The following ARMC2 variants were observed in gnomAD, a reference collection of about 807,000 sequenced individuals.
ARMC2 encodes armadillo repeat-containing protein 2.
Under a neutral mutation model 90.3 loss-of-function variants are expected in ARMC2, and 67 were observed. That is an observed-to-expected ratio of 0.74 (90% CI 0.61 to 0.91). The LOEUF is 0.91. Among genes scored for constraint, ARMC2 ranks in the 40% least tolerant of loss-of-function variants. The pLI, the probability that ARMC2 is intolerant of heterozygous loss-of-function variation, is 0.00. For missense variants in ARMC2, 920 were observed against 1,030.9 expected, an observed-to-expected ratio of 0.89 and a Z score of 1.47; for synonymous variants, 393 against 393.0, an observed-to-expected ratio of 1.00 and a Z score of 0.00.
At chr6:109,023,834 T>G in the ARMC2 span, among the ~76,000 whole-genome samples, 14 of 149,944 alleles carry the variant, frequency 9.3e-5, no homozygotes, top group South Asian at 2.2e-4. Flanking sequence ...AGACTTACAT[T>G]GTCAAATAAT....
the ARMC2 span, among the ~76,000 whole-genome samples, chr6:109,031,342 G>A: frequency 0.092 from 14,020 of 152,162 alleles, 869 homozygotes; most frequent in Middle Eastern, 0.19. Flanking sequence ...TGCATGAGAA[G>A]CTCAAGGCAA....
chr6:108,987,837 C>T, the ARMC2 span, among the ~76,000 whole-genome samples: 1 of 140,702 alleles, frequency 7.1e-6, no homozygotes, highest in Non-Finnish European at 1.5e-5. Context: ...CACACTTTCA[C>T]TCTTTCCCAG....
chr6:108,892,167 C>A (rs1771140185), intron 5 of ARMC2, among the ~76,000 whole-genome samples: 2 of 151,864 alleles, frequency 1.3e-5, no homozygotes, highest in Non-Finnish European at 2.9e-5. Context: ...AGGCCTTGTC[C>A]CTAGTCTCAA....
the ARMC2 span, among the ~76,000 whole-genome samples, chr6:109,045,000 GCAA>G: frequency 6.6e-6 from 1 of 151,236 alleles, no homozygotes; most frequent in African/African-American, 2.4e-5. Context: ...TCCATCCTGG[GCAA>G]CAAGAGCGAG....
intron 11 of ARMC2, among the ~76,000 whole-genome samples, chr6:108,931,294 G>T (rs1173481757): frequency 3.3e-5 from 5 of 151,842 alleles, no homozygotes; most frequent in Non-Finnish European, 7.3e-5. Context: ...TGGTGTATAG[G>T]TACCACATTT....
the ARMC2 span, among the ~76,000 whole-genome samples, chr6:109,028,909 T>C: frequency 1.3e-5 from 2 of 152,148 alleles, no homozygotes; most frequent in Admixed American, 6.5e-5. Flanking sequence ...GCATGGTGCA[T>C]ATGGTGACAT....
the ARMC2 span, among the ~76,000 whole-genome samples, chr6:108,992,403 C>T: frequency 6.6e-6 from 1 of 152,118 alleles, no homozygotes; most frequent in African/African-American, 2.4e-5. Flanking sequence ...AGGCGGGAGC[C>T]ATTGTGCCAG....
intron 1 of ARMC2, among the ~76,000 whole-genome samples, chr6:108,852,529 G>A (rs990513777): frequency 6.6e-6 from 1 of 152,132 alleles, no homozygotes; most frequent in Non-Finnish European, 1.5e-5. Flanking sequence ...AATTTTTAGA[G>A]TTTGACCTGA....
chr6:108,945,532 G>A (rs1776742307), intron 12 of ARMC2, among the ~76,000 whole-genome samples: 1 of 152,218 alleles, frequency 6.6e-6, no homozygotes, highest in Non-Finnish European at 1.5e-5. Flanking sequence ...AGAGCTTCCA[G>A]ATGCAGCAGG....
At chr6:109,032,007 A>G in the ARMC2 span, among the ~76,000 whole-genome samples, 1 of 152,186 alleles carries the variant, frequency 6.6e-6, no homozygotes, top group Non-Finnish European at 1.5e-5. Flanking sequence ...GGCATAAATA[A>G]AATTTCGTGT....
At chr6:108,890,479 A>G (rs563890462) in intron 5 of ARMC2, among the ~76,000 whole-genome samples, 31 of 151,982 alleles carry the variant, frequency 2.0e-4, no homozygotes, top group Non-Finnish European at 4.1e-4. Context: ...AATCCTAGCA[A>G]TTTGGGAGGC....
chr6:108,996,064 G>T, the ARMC2 span, among the ~76,000 whole-genome samples: 82 of 152,268 alleles, frequency 5.4e-4, no homozygotes, highest in Non-Finnish European at 1.0e-3. Context: ...ATTTAATGCA[G>T]GCTCCCTTCC....
At chr6:108,878,480 T>C (rs1404296098) in intron 5 of ARMC2, among the ~76,000 whole-genome samples, 1 of 152,206 alleles carries the variant, frequency 6.6e-6, no homozygotes. Flanking sequence ...TTTATCTGGC[T>C]GGGAGAGGAA....
chr6:109,000,520 G>T, the ARMC2 span: 1 of 1,606,336 alleles, frequency 6.2e-7, no homozygotes, highest in Non-Finnish European at 8.5e-7. Flanking sequence ...ATAAGCCAAG[G>T]TCTATGGGCT....
intron 16 of ARMC2, among the ~76,000 whole-genome samples, chr6:108,964,652 T>G (rs1323212917): frequency 6.6e-6 from 1 of 152,070 alleles, no homozygotes; most frequent in African/African-American, 2.4e-5. Flanking sequence ...CACACGCCTG[T>G]AATCCCAGCT....
intron 12 of ARMC2, among the ~76,000 whole-genome samples, chr6:108,939,190 C>G (rs1776231017): frequency 6.6e-6 from 1 of 152,128 alleles, no homozygotes; most frequent in South Asian, 2.1e-4. Context: ...CACGTTAGAC[C>G]AATGGTTATC....
chr6:109,000,449 A>T, the ARMC2 span: 2 of 1,384,820 alleles, frequency 1.4e-6, no homozygotes, highest in Non-Finnish European at 1.9e-6. Context: ...TGCTCTAAAA[A>T]AGTCTGAAAT....
chr6:108,917,318 C>T (rs1163533177), intron 10 of ARMC2, among the ~76,000 whole-genome samples: 1 of 152,134 alleles, frequency 6.6e-6, no homozygotes, highest in Non-Finnish European at 1.5e-5. Flanking sequence ...TCCAGATCCT[C>T]TCCCCCTTGC....
At chr6:108,952,090 A>G (rs1777232236) in intron 12 of ARMC2, among the ~76,000 whole-genome samples, 1 of 152,192 alleles carries the variant, frequency 6.6e-6, no homozygotes, top group Non-Finnish European at 1.5e-5. Context: ...CACTGTATAT[A>G]TAGATATAGA....
Sources: allele counts gnomAD v4.1 joint callset (sites outside exome capture counted in the v4.1 genomes callset), GRCh38; gene constraint gnomAD v4.1.1; transcripts MANE v1.5; gene names NCBI Gene and HGNC (gene_info 2026-07-23, HGNC 2026-07-21).